The following SLC35F1 variants were observed in gnomAD, a reference collection of about 807,000 sequenced individuals.
SLC35F1 encodes the protein chromosome 6 open reading frame 169.
A neutral mutation model predicts 48.7 loss-of-function variants in SLC35F1; 14 were observed. The ratio of observed to expected loss-of-function variants is 0.29; its 90% CI spans 0.19 to 0.45. SLC35F1 has a LOEUF of 0.45. Ranked by LOEUF, SLC35F1 falls within the 20% of genes least tolerant of loss-of-function variation. The pLI is 1.00. For missense variants in SLC35F1, 404 were observed against 500.0 expected (o/e 0.81, Z 1.83); for synonymous variants, 190 against 202.2 (o/e 0.94, Z 0.51).
chr6:118,280,197 G>A (rs577673485), intron 6 of SLC35F1, among the ~76,000 whole-genome samples: 4 of 152,270 alleles, frequency 2.6e-5, no homozygotes, highest in African/African-American at 9.6e-5. Context: ...CAAGTAAAAT[G>A]TATGATCGAA....
At chr6:118,139,078 G>C (rs188732597) in intron 1 of SLC35F1, among the ~76,000 whole-genome samples, 1 of 152,080 alleles carries the variant, frequency 6.6e-6, no homozygotes, top group Non-Finnish European at 1.5e-5. Context: ...ACTTTAGGGC[G>C]TCAAGGGAAC....
intron 7 of SLC35F1, among the ~76,000 whole-genome samples, chr6:118,288,918 G>A (rs1776084013): frequency 6.6e-6 from 1 of 152,116 alleles, no homozygotes; most frequent in African/African-American, 2.4e-5. Flanking sequence ...TACAATACCA[G>A]GATGTTAACA....
intron 3 of SLC35F1, among the ~76,000 whole-genome samples, chr6:118,238,627 C>T (rs927307820): frequency 6.6e-6 from 1 of 152,054 alleles, no homozygotes; most frequent in African/African-American, 2.4e-5. Flanking sequence ...GCAGGCTCCT[C>T]TCATGGTCAT....
At chr6:118,248,325 A>T (rs958775941) in intron 3 of SLC35F1, among the ~76,000 whole-genome samples, 1 of 152,196 alleles carries the variant, frequency 6.6e-6, no homozygotes, top group Non-Finnish European at 1.5e-5. Context: ...CGATGTTCTG[A>T]TCCCTATAAT....
intron 3 of SLC35F1, among the ~76,000 whole-genome samples, chr6:118,249,355 C>T (rs962417846): frequency 6.6e-6 from 1 of 152,184 alleles, no homozygotes; most frequent in Middle Eastern, 3.2e-3. Flanking sequence ...GGTGCCAATT[C>T]TCCCAATACT....
At chr6:118,042,980 G>T (rs530235297) in intron 1 of SLC35F1, among the ~76,000 whole-genome samples, 1 of 152,078 alleles carries the variant, frequency 6.6e-6, no homozygotes, top group Admixed American at 6.5e-5. Context: ...TTCCTGCAGC[G>T]CACCCCAGAC....
At chr6:118,027,115 T>C (rs1771970415) in intron 1 of SLC35F1, among the ~76,000 whole-genome samples, 1 of 152,204 alleles carries the variant, frequency 6.6e-6, no homozygotes, top group Non-Finnish European at 1.5e-5. Flanking sequence ...AGGTTCATCC[T>C]TGTTGATGCA....
chr6:118,098,168 G>C (rs908462617), intron 1 of SLC35F1, among the ~76,000 whole-genome samples: 2 of 152,172 alleles, frequency 1.3e-5, no homozygotes, highest in Non-Finnish European at 2.9e-5. Context: ...ATAGGTGTTT[G>C]CAAAACACTT....
chr6:118,238,936 G>A (rs530657205), intron 3 of SLC35F1, among the ~76,000 whole-genome samples: 52 of 152,018 alleles, frequency 3.4e-4, no homozygotes, highest in Non-Finnish European at 6.5e-4. Flanking sequence ...AACGCCATCC[G>A]GTCACATATC....
At position 118,314,301 on chromosome 6, in the gene SLC35F1, GC is replaced by G; in HGVS notation, c.*52del. 1.3e-6 allele frequency: 2 copies of G among 1,542,622 alleles called. No individual in the cohort carries two copies. Among genetic ancestry groups the G allele is most frequent in the Non-Finnish European group, 1.8e-6 (2 of 1,116,926 alleles). On this transcript the variant is annotated 3_prime_UTR_variant, in exon 8 of 8. Transcript: ENST00000360388. ...AGGCCAACTCATTGGCCATGTTTTT[GC>G]CCATCATCTCTGTATTGTACATAGA...
intron 1 of SLC35F1, among the ~76,000 whole-genome samples, chr6:117,957,008 G>T (rs1776436492): frequency 6.6e-6 from 1 of 152,174 alleles, no homozygotes; most frequent in South Asian, 2.1e-4. Context: ...CTGCGGTGAT[G>T]ACTTCCTTCC....
intron 1 of SLC35F1, among the ~76,000 whole-genome samples, chr6:117,912,136 C>G (rs1036741318): frequency 2.0e-5 from 3 of 152,162 alleles, no homozygotes; most frequent in African/African-American, 7.2e-5. Flanking sequence ...GGGTTTCTGC[C>G]TCTTTGAGTC....
intron 3 of SLC35F1, among the ~76,000 whole-genome samples, chr6:118,246,745 A>G (rs117957321): frequency 6.6e-5 from 10 of 152,302 alleles, no homozygotes; most frequent in Admixed American, 3.3e-4. Context: ...TGGTGTGATC[A>G]TGGTATGCAA....
intron 1 of SLC35F1, among the ~76,000 whole-genome samples, chr6:118,038,999 T>C (rs1275989158): frequency 6.6e-6 from 1 of 152,224 alleles, no homozygotes; most frequent in African/African-American, 2.4e-5. Flanking sequence ...TGTATATTGA[T>C]GTTGTATCCT....
chr6:117,923,265 A>G (rs1320012841), intron 1 of SLC35F1, among the ~76,000 whole-genome samples: 1 of 152,078 alleles, frequency 6.6e-6, no homozygotes, highest in Non-Finnish European at 1.5e-5. Context: ...GAATAAAACT[A>G]CAGCCCAGCC....
In SLC35F1 at chr6:117,923,611, A is replaced by ATG. The variant is rs1554216657; in HGVS notation, c.173+15713_173+15714insGT. ...TATATACATATGTGTATATATACAT[A>ATG]TACATATGTATATATACATATATGT... On this transcript the variant is annotated intron_variant, in intron 1 of 7. Coordinates refer to ENST00000360388, the MANE Select transcript of SLC35F1 (RefSeq NM_001029858.4). 8.5e-3 allele frequency among the ~76,000 whole-genome samples: 168 copies of ATG among 19,876 alleles called. 28 individuals are homozygous for ATG. In the Middle Eastern group the frequency reaches 0.11, roughly 13 times the overall value. 13.0% of individuals were successfully genotyped at this position (19,876 alleles called of 152,430 possible). A position where few individuals can be genotyped will look rare whatever the true frequency, so the allele number is the denominator to read the frequency against.
intron 1 of SLC35F1, among the ~76,000 whole-genome samples, chr6:118,108,892 C>T (rs1773359874): frequency 6.6e-6 from 1 of 152,090 alleles, no homozygotes; most frequent in East Asian, 1.9e-4. Flanking sequence ...AATTAAATTG[C>T]AATACTTATT....
chr6:118,186,667 C>T (rs557350071), intron 2 of SLC35F1, among the ~76,000 whole-genome samples: 135 of 152,282 alleles, frequency 8.9e-4, no homozygotes, highest in African/African-American at 3.1e-3. Flanking sequence ...TAAGCATTGA[C>T]TGAGCTGCTT....
intron 3 of SLC35F1, among the ~76,000 whole-genome samples, chr6:118,249,617 A>G (rs567063956): frequency 2.6e-5 from 4 of 152,236 alleles, no homozygotes; most frequent in Non-Finnish European, 4.4e-5. Flanking sequence ...TCATAAATCA[A>G]TAAAAGGCTT....
Sources: allele counts gnomAD v4.1 joint callset (sites outside exome capture counted in the v4.1 genomes callset), GRCh38; gene constraint gnomAD v4.1.1; transcripts MANE v1.5; gene names NCBI Gene and HGNC (gene_info 2026-07-23, HGNC 2026-07-21).